PARD3B: variants seen among roughly 807,000 people sequenced by gnomAD.
PARD3B encodes the protein partitioning defective 3 homolog B.
In PARD3B, 103 loss-of-function variants were observed where a neutral mutation model predicts 130.2. That is an observed-to-expected ratio of 0.79 (90% CI 0.67 to 0.93). PARD3B has a LOEUF of 0.93. Among genes scored for constraint, PARD3B ranks in the 40% least tolerant of loss-of-function variants. The pLI is 0.00. For synonymous variants in PARD3B, 583 were observed against 553.2 expected, an observed-to-expected ratio of 1.05 and a Z score of -0.76; for missense variants, 1,609 against 1,499.2, an observed-to-expected ratio of 1.07 and a Z score of -1.21.
At chr2:204,654,588 T>A (rs1356265482) in intron 1 of PARD3B, among the ~76,000 whole-genome samples, 3 of 152,148 alleles carry the variant, frequency 2.0e-5, no homozygotes, top group Non-Finnish European at 4.4e-5. Flanking sequence ...GTTTTTTATA[T>A]CCATATAGTG....
rs370760642 is a variant in PARD3B at position 204,865,105 on chromosome 2, G to A, written c.223-100047G>A. 7.9e-5 allele frequency among the ~76,000 whole-genome samples: 12 copies of A among 151,984 alleles called. No homozygotes were observed. In the East Asian group the frequency reaches 1.7e-3, roughly 22 times the overall value. On this transcript the variant is annotated intron_variant, in intron 2 of 22. Coordinates refer to ENST00000406610, the MANE Select transcript of PARD3B (RefSeq NM_001302769.2). ...ACACCACCTCACTCATGCAAGAACGGCCATAATAAAAAAAAATAGATGTTG... is the reference window on the plus strand; with the variant it reads ...ACACCACCTCACTCATGCAAGAACGACCATAATAAAAAAAAATAGATGTTG...
At chr2:205,349,178 A>G (rs2043902023) in intron 18 of PARD3B, among the ~76,000 whole-genome samples, 1 of 152,208 alleles carries the variant, frequency 6.6e-6, no homozygotes, top group African/African-American at 2.4e-5. Flanking sequence ...AGAAAAAGAT[A>G]TCTGAAAAGG....
chr2:205,291,156 A>T lies in PARD3B; in HGVS notation c.2186-9374A>T, dbSNP rs185471085. On this transcript the variant is annotated intron_variant, in intron 16 of 22. Coordinates refer to ENST00000406610, the MANE Select transcript of PARD3B (RefSeq NM_001302769.2). This position sits in a 1 kb window ranked among gnomAD's most constrained non-coding sequence, Gnocchi z 4.6. ...GGAGGCTGAAAGAGTTTTTAAGTGC[A>T]TGCTTAAAAAAGCCCACATTGTCAT... Among the ~76,000 whole-genome samples the T allele has an allele frequency of 4.3e-4, 65 of 152,306 alleles. No individual in the cohort carries two copies. The highest frequency in any genetic ancestry group is 1.1e-3 in the Admixed American group (17 of 15,296).
At chr2:205,419,076 G>C (rs564880422) in intron 19 of PARD3B, among the ~76,000 whole-genome samples, 5 of 152,080 alleles carry the variant, frequency 3.3e-5, no homozygotes, top group African/African-American at 1.2e-4. Flanking sequence ...CAGTAATACA[G>C]CACTGATATG....
intron 2 of PARD3B, among the ~76,000 whole-genome samples, chr2:204,883,743 C>T (rs987860494): frequency 1.3e-5 from 2 of 150,646 alleles, no homozygotes; most frequent in Admixed American, 6.6e-5. Flanking sequence ...CGCACCTGGC[C>T]TATATATATT....
At chr2:204,590,611 G>T (rs2033034157) in intron 1 of PARD3B, among the ~76,000 whole-genome samples, 1 of 152,154 alleles carries the variant, frequency 6.6e-6, no homozygotes, top group African/African-American at 2.4e-5. Flanking sequence ...GGACCTCTTT[G>T]TCTTGTGTCT....
chr2:205,368,587 G>A (rs906728613), intron 18 of PARD3B, among the ~76,000 whole-genome samples: 3 of 152,032 alleles, frequency 2.0e-5, no homozygotes, highest in African/African-American at 4.8e-5. Flanking sequence ...AGCTGAGATC[G>A]GGCCACTGCA....
At chr2:204,824,079 T>C (rs891439347) in intron 2 of PARD3B, among the ~76,000 whole-genome samples, 1 of 152,174 alleles carries the variant, frequency 6.6e-6, no homozygotes, top group African/African-American at 2.4e-5. Context: ...GAGCTCCAGA[T>C]GAAAGCACAG....
intron 19 of PARD3B, among the ~76,000 whole-genome samples, chr2:205,439,380 A>G (rs2047633381): frequency 6.6e-6 from 1 of 152,154 alleles, no homozygotes; most frequent in African/African-American, 2.4e-5. Context: ...TTCTTTGTCC[A>G]GTGACAAGGT....
At chr2:204,993,859 A>G (rs1003015675) in intron 3 of PARD3B, among the ~76,000 whole-genome samples, 3 of 151,650 alleles carry the variant, frequency 2.0e-5, no homozygotes, top group Admixed American at 6.6e-5. Context: ...TTTCTAGTTT[A>G]TTTGCGTAGA....
intron 1 of PARD3B, among the ~76,000 whole-genome samples, chr2:204,627,689 G>A (rs995054810): frequency 1.1e-4 from 16 of 151,710 alleles, no homozygotes; most frequent in South Asian, 2.1e-4. Flanking sequence ...CTTTTTGTTC[G>A]TAAGCATTAT....
chr2:204,779,028 A>G (rs1347365567), intron 2 of PARD3B, among the ~76,000 whole-genome samples: 1 of 152,120 alleles, frequency 6.6e-6, no homozygotes, highest in Non-Finnish European at 1.5e-5. Flanking sequence ...TCTAGCAGTT[A>G]TATTCATCCT....
At chr2:205,141,995 C>T (rs1575932869) in intron 10 of PARD3B, among the ~76,000 whole-genome samples, 2 of 152,206 alleles carry the variant, frequency 1.3e-5, no homozygotes, top group South Asian at 4.1e-4. Flanking sequence ...TTAGGCATGG[C>T]GTTGGGATAA....
chr2:205,474,167 A>G (rs922184808), intron 20 of PARD3B, among the ~76,000 whole-genome samples: 2 of 151,942 alleles, frequency 1.3e-5, no homozygotes, highest in South Asian at 4.1e-4. Context: ...TTCTTTTTAT[A>G]TTTTTATTAT....
chr2:204,597,947 G>T (rs893259427), intron 1 of PARD3B, among the ~76,000 whole-genome samples: 1 of 152,114 alleles, frequency 6.6e-6, no homozygotes, highest in Non-Finnish European at 1.5e-5. Flanking sequence ...AATGATTATG[G>T]TGCCTTCCTA....
At position 205,105,365 on chromosome 2, in the gene PARD3B, G is replaced by A. The variant is rs188484025; in HGVS notation, c.593+851G>A. Among the ~76,000 whole-genome samples, 301 of 152,094 alleles carry A rather than the reference G, an allele frequency of 2.0e-3. 2 individuals carry two copies. The highest frequency in any genetic ancestry group is 6.1e-3 in the African/African-American group (255 of 41,486). The stretch of plus-strand genomic sequence containing the variant: ...TGTTCTAATCATCATTTTGTTTAAC[G>A]CACTTCAAATTTGGCATAAGGAAAA... On this transcript the variant is annotated intron_variant, in intron 5 of 22. Transcript: ENST00000406610. This position sits in a 1 kb window ranked among gnomAD's most constrained non-coding sequence, Gnocchi z 4.0.
chr2:205,172,512 G>C, intron 12 of PARD3B, 131 bp downstream of exon 12: 4 of 909,130 alleles, frequency 4.4e-6, no homozygotes, highest in Non-Finnish European at 6.5e-6. Flanking sequence ...ATGGGAAACA[G>C]GTGGTTGTGT....
At chr2:205,613,337 G>T (rs1165013065) in intron 22 of PARD3B, among the ~76,000 whole-genome samples, 1 of 152,196 alleles carries the variant, frequency 6.6e-6, no homozygotes, top group Non-Finnish European at 1.5e-5. Context: ...GAAAGTACAG[G>T]TTAAGAAAAA....
At chr2:205,165,749 A>AT (rs1347329920) in intron 11 of PARD3B, among the ~76,000 whole-genome samples, 1 of 150,520 alleles carries the variant, frequency 6.6e-6, no homozygotes, top group African/African-American at 2.4e-5. Flanking sequence ...AAATAAATAA[A>AT]TAAATAAATA....
Sources: allele counts gnomAD v4.1 joint callset (sites outside exome capture counted in the v4.1 genomes callset), GRCh38; gene constraint gnomAD v4.1.1; non-coding constraint Gnocchi (gnomAD v3.1); transcripts MANE v1.5; gene names NCBI Gene and HGNC (gene_info 2026-07-23, HGNC 2026-07-21).